SEC31B: variants seen among roughly 807,000 people sequenced by gnomAD.
SEC31B encodes SEC31 homolog B, COPII component.
A neutral mutation model predicts 135.0 loss-of-function variants in SEC31B; 113 were observed. That is an observed-to-expected ratio of 0.84 (90% CI 0.72 to 0.98). The LOEUF (loss-of-function observed/expected upper bound fraction) is 0.98, where lower values mean the gene tolerates loss of function less well. SEC31B is among the 50% of genes least tolerant of loss of function. The pLI is 0.00. For synonymous variants in SEC31B, 508 were observed against 549.4 expected (o/e 0.92, Z 1.05); for missense variants, 1,296 against 1,421.1 (o/e 0.91, Z 1.42).
chr10:100,488,769 G>GAGTC, intron 24 of SEC31B, 89 bp downstream of exon 24: 1 of 1,449,672 alleles, frequency 6.9e-7, no homozygotes, highest in South Asian at 1.5e-5. Context: ...AGTGAGAAGA[G>GAGTC]AGTCACACAA....
At chr10:100,494,087 G>A (rs923184469) in intron 19 of SEC31B, among the ~76,000 whole-genome samples, 4 of 151,336 alleles carry the variant, frequency 2.6e-5, no homozygotes, top group Non-Finnish European at 5.9e-5. Flanking sequence ...AGCCATCAGA[G>A]CTTCTGCCTG....
chr10:100,517,077 T>A (rs1851865049), intron 1 of SEC31B, 80 bp from the exon 2 acceptor site: 4 of 704,666 alleles, frequency 5.7e-6, no homozygotes, highest in Non-Finnish European at 1.0e-5. Context: ...TCTTTCTCCA[T>A]CACAAGATAG....
At chr10:100,503,636 G>A (rs955209243) in intron 10 of SEC31B, among the ~76,000 whole-genome samples, 3 of 151,794 alleles carry the variant, frequency 2.0e-5, no homozygotes, top group Non-Finnish European at 2.9e-5. Flanking sequence ...GTTTCTCCAT[G>A]TTGGTCAGGC....
intron 19 of SEC31B, among the ~76,000 whole-genome samples, chr10:100,492,373 G>A (rs1008799436): frequency 6.6e-5 from 10 of 152,120 alleles, no homozygotes; most frequent in South Asian, 2.1e-4. Context: ...ACAGGCATGC[G>A]CCACCATGCC....
intron 10 of SEC31B, among the ~76,000 whole-genome samples, chr10:100,503,749 T>TTC (rs958529767): frequency 4.6e-5 from 7 of 151,966 alleles, no homozygotes; most frequent in Admixed American, 3.9e-4. Flanking sequence ...AACTTTTTTT[T>TTC]TTTTTTAATT....
At position 100,516,871 on chromosome 10, in the gene SEC31B, T is replaced by C. The variant is rs548630949; in HGVS notation, c.79+3A>G. On this transcript the variant is annotated splice_donor_region_variant and intron_variant, in intron 2 of 25. Transcript: ENST00000370345. ...TGGATCCTAATTCACAGTGTCACCA[T>C]ACCTGTGGCCAGATACAAAGGGTAT... The C allele has an allele frequency of 6.2e-7, 1 of 1,611,578 alleles. No individual in the cohort carries two copies. Among genetic ancestry groups the C allele is most frequent in the African/African-American group, 1.3e-5 (1 of 74,980 alleles).
In SEC31B at chr10:100,506,248, A is replaced by T. The variant is rs745551719; in HGVS notation, c.883-47T>A. ...TTAGGGACAGTCCATGAAACCCAAA[A>T]CACATGGCTGCAGCTGAGATTCTTC... On this transcript the variant is annotated intron_variant, in intron 8 of 25. Coordinates refer to ENST00000370345, the MANE Select transcript of SEC31B (RefSeq NM_015490.4). 1.1e-5 allele frequency: 17 copies of T among 1,613,838 alleles called. No homozygotes were observed. In the South Asian group the frequency reaches 1.9e-4, roughly 18 times the overall value.
intron 7 of SEC31B, among the ~76,000 whole-genome samples, chr10:100,506,835 C>G (rs1470370645): frequency 6.6e-6 from 1 of 152,314 alleles, no homozygotes; most frequent in South Asian, 2.1e-4. Flanking sequence ...CACAGTGGCT[C>G]ATGCTTGTAA....
chr10:100,506,298 T>G, intron 8 of SEC31B, 23 bp downstream of exon 8: 1 of 1,614,138 alleles, frequency 6.2e-7, no homozygotes, highest in Non-Finnish European at 8.5e-7. Context: ...CATCCCAGCA[T>G]GCCCACAGAA....
chr10:100,505,840 A>G (rs1851619461), intron 9 of SEC31B, 200 bp downstream of exon 9: 1 of 1,481,648 alleles, frequency 6.7e-7, no homozygotes, highest in East Asian at 2.3e-5. Flanking sequence ...AACAAGAGTC[A>G]AGGTGAAGGC....
chr10:100,501,239 C>T (rs1291386336), intron 11 of SEC31B, among the ~76,000 whole-genome samples: 6 of 151,980 alleles, frequency 3.9e-5, no homozygotes, highest in Non-Finnish European at 8.8e-5. Context: ...GAGTGAAACT[C>T]TGTCTCAAAA....
In SEC31B at chr10:100,505,580, T is replaced by A. The variant is rs896048848; in HGVS notation, c.1045-85A>T. Reference sequence around the variant, plus strand: ...CCTACAAACTCCATTTTGGGAGGAATCCTTGAGACACCCAATTTGACCTAG... The same window carrying A: ...CCTACAAACTCCATTTTGGGAGGAAACCTTGAGACACCCAATTTGACCTAG... On this transcript the variant is annotated intron_variant, in intron 9 of 25. Coordinates refer to ENST00000370345, the MANE Select transcript of SEC31B (RefSeq NM_015490.4). 7 of 1,496,230 alleles carry A rather than the reference T, an allele frequency of 4.7e-6. No homozygotes were observed. The African/African-American group carries it at 8.5e-5, about 18-fold the overall frequency. 92.7% of individuals were successfully genotyped at this position (1,496,230 alleles called of 1,614,324 possible).
chr10:100,502,352 G>A lies in SEC31B; in HGVS notation c.1312C>T (p.Gln438Ter), dbSNP rs746850478. 3 of 1,614,156 alleles carry A rather than the reference G, an allele frequency of 1.9e-6. No individual in the cohort carries two copies. The African/African-American group carries it at 4.0e-5, about 22-fold the overall frequency. ...SEFLMRSAEL[Q>*]EALGSGNLLN... ...AGATTTCCTGATCCCAAGGCCTCCT[G>A]CAGCTCAGCTGATCGCATCAGGAAT... Residue 438 changes from glutamine to a stop codon, truncating the protein, a stop_gained, in exon 11 of 26, where the codon CAG becomes TAG. Transcript: ENST00000370345. LOFTEE classifies it high-confidence loss of function.
At chr10:100,503,342 A>C (rs187014114) in intron 10 of SEC31B, among the ~76,000 whole-genome samples, 1 of 152,288 alleles carries the variant, frequency 6.6e-6, no homozygotes, top group African/African-American at 2.4e-5. Context: ...GCCACACCCC[A>C]GACAATACAA....
intron 10 of SEC31B, among the ~76,000 whole-genome samples, chr10:100,504,837 G>A (rs1851594490): frequency 6.6e-6 from 1 of 151,780 alleles, no homozygotes; most frequent in South Asian, 2.1e-4. Flanking sequence ...AGCAGAGACA[G>A]GAAGAGTTGA....
At chr10:100,489,904 C>T in intron 21 of SEC31B, 104 bp downstream of exon 21, 1 of 1,538,800 alleles carries the variant, frequency 6.5e-7, no homozygotes. Flanking sequence ...CACCCTCCAC[C>T]CAACAGGGCC....
chr10:100,503,185 C>T (rs1297583810), intron 10 of SEC31B, among the ~76,000 whole-genome samples: 1 of 152,204 alleles, frequency 6.6e-6, no homozygotes, highest in Admixed American at 6.5e-5. Flanking sequence ...ACAACACCCC[C>T]ACCTGGAGTA....
Position 100,506,373 on chromosome 10 carries a change from A to G in SEC31B, c.830T>C (p.Leu277Pro). ...GATCTGGCTGTCCTTAGCACTAGTG[A>G]GCAGCAGCTCAGCATCAGCCTGGCT... ...SWSQADAELL[L>P]TSAKDSQILC... The change falls in exon 8 of 26, where the codon CTC becomes CCC. Residue 277 changes from leucine to proline, a missense_variant. By Grantham distance (98) the Leu-to-Pro change is moderately conservative. Coordinates refer to ENST00000370345, the MANE Select transcript of SEC31B (RefSeq NM_015490.4). The G allele has an allele frequency of 1.2e-6, 2 of 1,614,146 alleles. No individual in the cohort carries two copies. Among genetic ancestry groups the G allele is most frequent in the Non-Finnish European group, 1.7e-6 (2 of 1,180,020 alleles).
intron 15 of SEC31B, 67 bp downstream of exon 15, chr10:100,497,962 T>C (rs1851444213): frequency 6.3e-7 from 1 of 1,592,180 alleles, no homozygotes. Context: ...GGTCCCAAGG[T>C]GTGGGTATCC....
Sources: gnomAD v4.1 joint callset for allele counts (sites outside exome capture counted in the v4.1 genomes callset) on GRCh38, gnomAD v4.1.1 for gene constraint, MANE v1.5 for transcripts, NCBI Gene and HGNC (gene_info 2026-07-23, HGNC 2026-07-21) for gene names.